Variants in TRPM7 observed in about 807,000 individuals in gnomAD.
TRPM7 encodes the protein LTRPC ion channel family member 7.
Under a neutral mutation model 229.7 loss-of-function variants are expected in TRPM7, and 134 were observed. That is an observed-to-expected ratio of 0.58 (90% CI 0.51 to 0.67). The LOEUF (loss-of-function observed/expected upper bound fraction) is 0.67. Ranked by LOEUF, TRPM7 falls within the 30% of genes least tolerant of loss-of-function variation. The pLI is 0.00. For missense variants in TRPM7, 1,901 were observed against 2,210.0 expected, an observed-to-expected ratio of 0.86 and a Z score of 2.80; for synonymous variants, 699 against 715.2, an observed-to-expected ratio of 0.98 and a Z score of 0.36.
intron 1 of TRPM7, among the ~76,000 whole-genome samples, chr15:50,666,475 G>A (rs541088673): frequency 7.3e-4 from 110 of 151,400 alleles, no homozygotes; most frequent in African/African-American, 2.6e-3. Flanking sequence ...GGAGGAAGAG[G>A]AAGAAGAGGA....
chr15:50,643,569 A>C lies in TRPM7; in HGVS notation c.322-16T>G. On this transcript the variant is annotated splice_polypyrimidine_tract_variant and intron_variant, in intron 4 of 38. Transcript: ENST00000646667. ...GCCTCACATACTAGAAAAAGATTTT[A>C]AAAGGAGAAAATAATTGAACATGTT... 3 of 1,602,082 alleles carry C rather than the reference A, an allele frequency of 1.9e-6. No homozygotes were observed. The South Asian group carries it at 3.3e-5, about 18-fold the overall frequency.
chr15:50,670,283 T>C (rs1313993452), intron 1 of TRPM7, among the ~76,000 whole-genome samples: 5 of 152,106 alleles, frequency 3.3e-5, no homozygotes, highest in Non-Finnish European at 1.5e-5. Flanking sequence ...GACTCCATCT[T>C]GAATAGGGGC....
intron 1 of TRPM7, among the ~76,000 whole-genome samples, chr15:50,672,012 C>A (rs778498168): frequency 9.9e-5 from 15 of 152,210 alleles, no homozygotes; most frequent in Non-Finnish European, 1.5e-4. Context: ...CTAGACTACG[C>A]TTTTTATGGT....
Position 50,597,168 on chromosome 15 carries a change from T to A in TRPM7, c.3164-787A>T, listed in dbSNP as rs376706882. On this transcript the variant is annotated intron_variant, in intron 22 of 38. Transcript: ENST00000646667. Reference sequence around the variant, plus strand: ...CTTCTCAATTATACCGTGATTAGATTTGAATTCCTTGTTTTTCATTACCCC... The same window carrying A: ...CTTCTCAATTATACCGTGATTAGATATGAATTCCTTGTTTTTCATTACCCC... Among the ~76,000 whole-genome samples, 3 of 152,316 alleles carry A rather than the reference T, an allele frequency of 2.0e-5. No individual in the cohort carries two copies. The East Asian group carries it at 5.8e-4, about 29-fold the overall frequency.
chr15:50,613,632 T>C (rs922682577), intron 15 of TRPM7, 75 bp downstream of exon 15: 80 of 1,308,220 alleles, frequency 6.1e-5, no homozygotes, highest in Non-Finnish European at 7.4e-5. Context: ...ATTAGTTTTT[T>C]TTGTTTAATA....
At chr15:50,583,945 G>A (rs1161816307) in intron 28 of TRPM7, among the ~76,000 whole-genome samples, 2 of 152,236 alleles carry the variant, frequency 1.3e-5, no homozygotes, top group South Asian at 4.1e-4. Context: ...TTTCATATTG[G>A]ATACACATTA....
At chr15:50,635,761 G>A (rs908265261) in intron 7 of TRPM7, among the ~76,000 whole-genome samples, 66 of 150,460 alleles carry the variant, frequency 4.4e-4, no homozygotes, top group African/African-American at 1.5e-3. Context: ...CGGCGATCAC[G>A]AGGTCAGGAG....
rs1026058488 is a variant in TRPM7, at chr15:50,557,974, A to G, written c.*3704T>C. ...TTCCACATTTTAAGAATATGGTAAA[A>G]GAGTTTTATTCTCTTCAGTAAGATG... is the stretch of plus-strand genomic sequence containing the variant. On this transcript the variant is annotated 3_prime_UTR_variant, in exon 39 of 39. Coordinates refer to ENST00000646667, the MANE Select transcript of TRPM7 (RefSeq NM_017672.6). 3.3e-5 allele frequency: 5 copies of G among 152,238 alleles called. No individual in the cohort carries two copies. The South Asian group carries it at 6.2e-4, about 19-fold the overall frequency. 9.4% of individuals were successfully genotyped at this position (152,238 alleles called of 1,614,324 possible).
At chr15:50,652,991 C>A (rs1425357768) in intron 3 of TRPM7, among the ~76,000 whole-genome samples, 1 of 152,126 alleles carries the variant, frequency 6.6e-6, no homozygotes, top group Non-Finnish European at 1.5e-5. Flanking sequence ...AAAACTCCTT[C>A]TCTACAAAAA....
chr15:50,597,621 T>C (rs925544901), intron 22 of TRPM7, among the ~76,000 whole-genome samples: 2 of 152,052 alleles, frequency 1.3e-5, no homozygotes, highest in African/African-American at 4.8e-5. Context: ...ATTAGAAAAA[T>C]AGCAGACAGC....
Position 50,574,989 on chromosome 15 carries a change from T to C in TRPM7, c.4882A>G (p.Lys1628Glu). 2 of 1,614,168 alleles carry C rather than the reference T, an allele frequency of 1.2e-6. No individual in the cohort carries two copies. Among genetic ancestry groups the C allele is most frequent in the Non-Finnish European group, 1.7e-6 (2 of 1,180,014 alleles). Residue 1628 changes from lysine to glutamate, a missense_variant, in exon 34 of 39, where the codon AAA becomes GAA. Lys to Glu is a moderately conservative substitution (Grantham distance 56). Around this residue, in one of 8 missense-constraint regions of TRPM7, gnomAD observed 257 missense variants for 352.0 expected, o/e 0.73. Transcript: ENST00000646667. The part of the protein sequence containing the change: ...EMGGGLRRAV[K>E]VQCTWSEHDI... ...TGTTCTGACCAGGTACACTGTACTTTGACAGCTCTTCGTAAACCTCCTCCC... is the reference window on the plus strand; with the variant it reads ...TGTTCTGACCAGGTACACTGTACTTCGACAGCTCTTCGTAAACCTCCTCCC...
At chr15:50,637,981 C>T (rs145239897) in intron 6 of TRPM7, among the ~76,000 whole-genome samples, 3 of 152,186 alleles carry the variant, frequency 2.0e-5, no homozygotes, top group African/African-American at 7.2e-5. Context: ...CTTTGGGAGG[C>T]CGAGGCGAGT....
At chr15:50,635,107 G>A (rs1485891156) in intron 7 of TRPM7, among the ~76,000 whole-genome samples, 1 of 151,710 alleles carries the variant, frequency 6.6e-6, no homozygotes, top group Non-Finnish European at 1.5e-5. Flanking sequence ...CACAAGGTCA[G>A]GAGATCAAGA....
At chr15:50,566,343 G>C (rs1007366769) in intron 38 of TRPM7, among the ~76,000 whole-genome samples, 6 of 152,098 alleles carry the variant, frequency 3.9e-5, no homozygotes, top group African/African-American at 1.4e-4. Flanking sequence ...ACTCAAATTT[G>C]AGGGATGGAG....
chr15:50,645,644 T>C (rs2061241169), intron 4 of TRPM7, among the ~76,000 whole-genome samples: 1 of 152,224 alleles, frequency 6.6e-6, no homozygotes, highest in Non-Finnish European at 1.5e-5. Context: ...ATTTGTTCTA[T>C]AATAAGTCTT....
At chr15:50,586,170 C>T (rs779991550) in intron 28 of TRPM7, among the ~76,000 whole-genome samples, 1 of 152,148 alleles carries the variant, frequency 6.6e-6, no homozygotes, top group African/African-American at 2.4e-5. Flanking sequence ...TTTTCTATTC[C>T]ATCTTTACAG....
At chr15:50,650,194 A>G (rs2140846590) in intron 3 of TRPM7, among the ~76,000 whole-genome samples, 1 of 31,166 alleles carries the variant, frequency 3.2e-5, no homozygotes, top group East Asian at 9.7e-4. Flanking sequence ...CTTTGTCTCA[A>G]AAAAAAAAAA....
chr15:50,648,208 A>G (rs2061324620), intron 4 of TRPM7, among the ~76,000 whole-genome samples: 1 of 152,230 alleles, frequency 6.6e-6, no homozygotes. Context: ...AGCCCCCTGA[A>G]GGATGACTGT....
intron 10 of TRPM7, among the ~76,000 whole-genome samples, chr15:50,629,769 GATAA>G (rs1194796580): frequency 6.7e-6 from 1 of 149,386 alleles, no homozygotes; most frequent in African/African-American, 2.5e-5. Flanking sequence ...AATAAAATGA[GATAA>G]ATAATGTAAA....
Sources: gnomAD v4.1 joint callset for allele counts (sites outside exome capture counted in the v4.1 genomes callset) on GRCh38, gnomAD v4.1.1 for gene constraint, gnomAD v4.1.1 regional missense constraint, MANE v1.5 for transcripts, NCBI Gene and HGNC (gene_info 2026-07-23, HGNC 2026-07-21) for gene names.